GNB4: variants seen among roughly 807,000 people sequenced by gnomAD.
GNB4 encodes G protein subunit beta 4, also known as guanine nucleotide-binding protein subunit beta-4.
In GNB4, 28 loss-of-function variants were observed where a neutral mutation model predicts 45.2. The ratio of observed to expected loss-of-function variants is 0.62; its 90% CI spans 0.46 to 0.85. The LOEUF (loss-of-function observed/expected upper bound fraction) is 0.85. Ranked by LOEUF, GNB4 falls within the 40% of genes least tolerant of loss-of-function variation. The pLI is 0.00. For missense variants in GNB4, 321 were observed against 425.4 expected (o/e 0.75, Z 2.16); for synonymous variants, 132 against 143.7 (o/e 0.92, Z 0.58).
At chr3:179,440,585 C>T (rs1289275043) in intron 1 of GNB4, among the ~76,000 whole-genome samples, 2 of 151,860 alleles carry the variant, frequency 1.3e-5, no homozygotes, top group Non-Finnish European at 2.9e-5. Context: ...GATATAGGCA[C>T]AAATTGACCA....
At chr3:179,430,916 T>C (rs2108608363) in intron 1 of GNB4, among the ~76,000 whole-genome samples, 1 of 152,332 alleles carries the variant, frequency 6.6e-6, no homozygotes, top group South Asian at 2.1e-4. Context: ...CTTCACAAAG[T>C]ATTAATTTTT....
chr3:179,405,591 G>C, intron 8 of GNB4, 185 bp from the exon 9 acceptor site: 1 of 556,262 alleles, frequency 1.8e-6, no homozygotes, highest in Non-Finnish European at 3.2e-6. Flanking sequence ...GATTAAGACT[G>C]AATTAAATAA....
intron 1 of GNB4, among the ~76,000 whole-genome samples, chr3:179,445,338 G>A: frequency 6.6e-6 from 1 of 152,048 alleles, no homozygotes; most frequent in East Asian, 1.9e-4. Flanking sequence ...AGGCTGGAGT[G>A]CAGTGGCATG....
chr3:179,429,453 G>GT (rs1385267604), intron 1 of GNB4, among the ~76,000 whole-genome samples: 5 of 152,306 alleles, frequency 3.3e-5, no homozygotes, highest in East Asian at 1.9e-4. Context: ...TTATTCGCTT[G>GT]TAAGTAGGTA....
rs6443648 is a variant in GNB4, at chr3:179,426,652, A to T, written c.-42-410T>A. ...CTTCCCCATCTCAGGAAACGGCAAG[A>T]CCATCCTTACTTACAATTGTTTAAG... On this transcript the variant is annotated intron_variant, in intron 1 of 9. Coordinates refer to ENST00000232564, the MANE Select transcript of GNB4 (RefSeq NM_021629.4). Among the ~76,000 whole-genome samples the T allele has an allele frequency of 0.51, 77,435 of 151,948 alleles. 20,841 individuals carry two copies. The highest frequency in any genetic ancestry group is 0.69 in the African/African-American group (28,381 of 41,422).
rs1435529045 is a variant in GNB4, at chr3:179,397,514, T to C, written c.*3699A>G. ...CTATCATGCAATCGCTGAGGTCATA[T>C]GAGTCTAAAATGAAGGGAATTGCTG... On this transcript the variant is annotated 3_prime_UTR_variant, in exon 10 of 10. Transcript: ENST00000232564. 1.3e-5 allele frequency: 2 copies of C among 152,472 alleles called. No individual in the cohort carries two copies. The highest frequency in any genetic ancestry group is 2.9e-5 in the Non-Finnish European group (2 of 68,032). 9.4% of individuals were successfully genotyped at this position (152,472 alleles called of 1,614,324 possible). A position where few individuals can be genotyped will look rare whatever the true frequency, so the allele number is the denominator to read the frequency against.
At position 179,445,836 on chromosome 3, in the gene GNB4, C is replaced by G. The variant is rs777774210; in HGVS notation, c.-43+5510G>C. Among the ~76,000 whole-genome samples, 193 of 152,228 alleles carry G rather than the reference C, an allele frequency of 1.3e-3. 1 individual carries two copies. The highest frequency in any genetic ancestry group is 3.9e-4 in the Admixed American group (6 of 15,284). On this transcript the variant is annotated intron_variant, in intron 1 of 9. Transcript: ENST00000232564. ...ACAAGCATCTCAGTGGGAGTTTGTCCTTACCCAGTAAGGTATACTACATTT... is the reference window on the plus strand; with the variant it reads ...ACAAGCATCTCAGTGGGAGTTTGTCGTTACCCAGTAAGGTATACTACATTT...
Position 179,396,483 on chromosome 3 carries a change from T to C in GNB4, c.*4730A>G, listed in dbSNP as rs187421775. ...AAGAAAACAATAGGATAGAGCACCA[T>C]TGTGTAAAAGACAAAAGGCTTGAGA... is the stretch of plus-strand genomic sequence containing the variant. On this transcript the variant is annotated 3_prime_UTR_variant, in exon 10 of 10. Transcript: ENST00000232564. 3 of 152,314 alleles carry C rather than the reference T, an allele frequency of 2.0e-5. No homozygotes were observed. The highest frequency in any genetic ancestry group is 2.9e-5 in the Non-Finnish European group (2 of 68,014). The allele number at this position is 152,314 out of a possible 1,614,324, so 9.4% of individuals were successfully genotyped here.
chr3:179,405,257 A>T lies in GNB4; in HGVS notation c.849T>A (p.Arg283=). 1 of 1,614,154 alleles carries T rather than the reference A, an allele frequency of 6.2e-7. No homozygotes were observed. The highest frequency in any genetic ancestry group is 8.5e-7 in the Non-Finnish European group (1 of 1,180,018). The change falls in exon 9 of 10, where the codon CGT becomes CGA. Residue 283 remains arginine, a synonymous_variant. Coordinates refer to ENST00000232564, the MANE Select transcript of GNB4 (RefSeq NM_021629.4). ...AGTCATCGTAACCAGCCAACAAGAG[A>T]CGCCCACTTTTTGAGAAGGCTACAG... ...ITSVAFSKSG[R]LLLAGYDDFN... is the part of the protein sequence containing the mutation.
At chr3:179,474,566 T>C in the GNB4 span, among the ~76,000 whole-genome samples, 1 of 151,932 alleles carries the variant, frequency 6.6e-6, no homozygotes, top group East Asian at 1.9e-4. Context: ...CTGATTTAAA[T>C]AGAGAAAACA....
chr3:179,491,432 G>C, the GNB4 span, among the ~76,000 whole-genome samples: 3 of 152,254 alleles, frequency 2.0e-5, no homozygotes, highest in East Asian at 5.8e-4. Flanking sequence ...AAGAGGAAAT[G>C]GTCAAACCTA....
the GNB4 span, among the ~76,000 whole-genome samples, chr3:179,510,721 C>T: frequency 6.6e-6 from 1 of 152,144 alleles, no homozygotes; most frequent in African/African-American, 2.4e-5. Context: ...TGCCTGGATT[C>T]ACTAGCTGAG....
intron 1 of GNB4, among the ~76,000 whole-genome samples, chr3:179,450,816 C>T (rs1326097561): frequency 6.6e-6 from 1 of 152,218 alleles, no homozygotes; most frequent in East Asian, 1.9e-4. Flanking sequence ...CCCCTCCCAT[C>T]CCCAAACTCT....
At chr3:179,435,224 C>G (rs1351423405) in intron 1 of GNB4, among the ~76,000 whole-genome samples, 1 of 152,190 alleles carries the variant, frequency 6.6e-6, no homozygotes, top group Non-Finnish European at 1.5e-5. Context: ...TTTGCTCAAT[C>G]TAATGATCCT....
rs555348739 is a variant in GNB4 at position 179,427,553 on chromosome 3, C to T, written c.-42-1311G>A. Among the ~76,000 whole-genome samples, 3 of 148,636 alleles carry T rather than the reference C, an allele frequency of 2.0e-5. No individual in the cohort carries two copies. In the South Asian group the frequency reaches 6.4e-4, roughly 32 times the overall value. On this transcript the variant is annotated intron_variant, in intron 1 of 9. Coordinates refer to ENST00000232564, the MANE Select transcript of GNB4 (RefSeq NM_021629.4). The stretch of plus-strand genomic sequence containing the variant: ...CTGGGAGGAGGAGGCTGCAGTGAGC[C>T]GAGGTCACACCACTGCACTCCAGCC...
At chr3:179,477,761 G>A in the GNB4 span, among the ~76,000 whole-genome samples, 1 of 152,018 alleles carries the variant, frequency 6.6e-6, no homozygotes, top group Non-Finnish European at 1.5e-5. Flanking sequence ...TATTTCTGGG[G>A]TCTTCCTCTG....
intron 3 of GNB4, among the ~76,000 whole-genome samples, chr3:179,420,064 A>G (rs193226434): frequency 4.5e-4 from 69 of 151,870 alleles, no homozygotes; most frequent in Non-Finnish European, 8.5e-4. Context: ...AGAATCAGAA[A>G]CTATTTAAAA....
At chr3:179,486,220 C>CAAAA in the GNB4 span, among the ~76,000 whole-genome samples, 2 of 123,846 alleles carry the variant, frequency 1.6e-5, no homozygotes, top group Admixed American at 8.5e-5. Context: ...GACTCTGTCT[C>CAAAA]AAAAAAAAAA....
the GNB4 span, among the ~76,000 whole-genome samples, chr3:179,478,762 C>A: frequency 6.6e-6 from 1 of 152,120 alleles, no homozygotes; most frequent in African/African-American, 2.4e-5. Flanking sequence ...TTGTAATCCC[C>A]AATGTTGTAG....
Sources: gnomAD v4.1 joint callset for allele counts (sites outside exome capture counted in the v4.1 genomes callset) on GRCh38, gnomAD v4.1.1 for gene constraint, MANE v1.5 for transcripts, NCBI Gene and HGNC (gene_info 2026-07-23, HGNC 2026-07-21) for gene names.